The following CASD1 variants were observed in gnomAD, a reference collection of about 807,000 sequenced individuals.
CASD1 encodes CAS1 domain sialic acid O acetyltransferase 1, also known as N-acetylneuraminate (7)9-O-acetyltransferase.
In CASD1, 41 loss-of-function variants were observed where a neutral mutation model predicts 100.0. The ratio of observed to expected loss-of-function variants is 0.41; its 90% CI spans 0.32 to 0.53. CASD1 has a LOEUF of 0.53. CASD1 is among the 20% of genes least tolerant of loss of function. CASD1 has a pLI of 0.25. For synonymous variants in CASD1, 321 were observed against 315.6 expected, an observed-to-expected ratio of 1.02 and a Z score of -0.18; for missense variants, 774 against 948.7, an observed-to-expected ratio of 0.82 and a Z score of 2.42.
At chr7:94,599,125 C>T in the CASD1 span, 1 of 583,318 alleles carries the variant, frequency 1.7e-6, no homozygotes, top group African/African-American at 1.9e-5. Context: ...ATACATCTCA[C>T]ATACTTTTAA....
At position 94,509,975 on chromosome 7, in the gene CASD1, G is replaced by A; in HGVS notation, c.-110G>A. The A allele has an allele frequency of 8.1e-7, 1 of 1,233,794 alleles. No homozygotes were observed. The highest frequency in any genetic ancestry group is 1.0e-6 in the Non-Finnish European group (1 of 979,424). 76.4% of individuals were successfully genotyped at this position (1,233,794 alleles called of 1,614,324 possible). A position where few individuals can be genotyped will look rare whatever the true frequency, so the allele number is the denominator to read the frequency against. On this transcript the variant is annotated 5_prime_UTR_variant, in exon 1 of 18. Coordinates refer to ENST00000297273, the MANE Select transcript of CASD1 (RefSeq NM_022900.5). ...GCGGGAGGCGCAGGTGGCGGCCTGGGGAGCTGGCGGCCGCTCCTCGCCTGG... is the reference window on the plus strand; with the variant it reads ...GCGGGAGGCGCAGGTGGCGGCCTGGAGAGCTGGCGGCCGCTCCTCGCCTGG...
the CASD1 span, chr7:94,627,027 T>A: frequency 6.6e-6 from 1 of 152,006 alleles, no homozygotes; most frequent in Non-Finnish European, 1.5e-5. Flanking sequence ...ACTGAATATT[T>A]AAAAAAATTA....
At chr7:94,549,748 T>C in intron 14 of CASD1, 114 bp downstream of exon 14, 1 of 768,214 alleles carries the variant, frequency 1.3e-6, no homozygotes, top group Non-Finnish European at 2.1e-6. Flanking sequence ...GTTGATTTAG[T>C]AAATCAAAGC....
intron 16 of CASD1, among the ~76,000 whole-genome samples, chr7:94,552,679 G>C (rs1185347774): frequency 6.6e-6 from 1 of 152,216 alleles, no homozygotes; most frequent in African/African-American, 2.4e-5. Context: ...GCTCACGCCT[G>C]TAATCCCAGC....
At chr7:94,567,459 A>T in the CASD1 span, among the ~76,000 whole-genome samples, 8 of 152,168 alleles carry the variant, frequency 5.3e-5, no homozygotes, top group South Asian at 2.1e-4. Context: ...AATTGCCATG[A>T]GCCCCTTTTT....
the CASD1 span, chr7:94,629,891 C>T: frequency 9.9e-5 from 158 of 1,602,532 alleles, no homozygotes; most frequent in Middle Eastern, 1.7e-4. Flanking sequence ...TAATGAGATA[C>T]GCCCTTGATA....
rs531368839 is a variant in CASD1 at position 94,526,684 on chromosome 7, T to G, written c.352-478T>G. Among the ~76,000 whole-genome samples, 53 of 152,212 alleles carry G rather than the reference T, an allele frequency of 3.5e-4. No individual in the cohort carries two copies. The South Asian group carries it at 0.011, about 31-fold the overall frequency. ...GGCGTGCACCTGTGGTCCTAGCCACTTGGGAGGCTGAGGTGGGAGGATTGC... is the reference window on the plus strand; with the variant it reads ...GGCGTGCACCTGTGGTCCTAGCCACGTGGGAGGCTGAGGTGGGAGGATTGC... On this transcript the variant is annotated intron_variant, in intron 3 of 17. Coordinates refer to ENST00000297273, the MANE Select transcript of CASD1 (RefSeq NM_022900.5).
the CASD1 span, among the ~76,000 whole-genome samples, chr7:94,562,791 C>T: frequency 3.3e-5 from 5 of 152,260 alleles, no homozygotes; most frequent in African/African-American, 1.2e-4. Context: ...TAGCAATAAC[C>T]TCTTCTATGG....
chr7:94,559,601 C>A (rs544522851), downstream of CASD1, among the ~76,000 whole-genome samples: 1 of 152,214 alleles, frequency 6.6e-6, no homozygotes, highest in African/African-American at 2.4e-5. Flanking sequence ...TCTCGGCTCA[C>A]TGCATCCTCT....
chr7:94,603,480 T>C, the CASD1 span: 2 of 1,607,520 alleles, frequency 1.2e-6, no homozygotes, highest in Non-Finnish European at 1.7e-6. Flanking sequence ...TCTCAGGTTA[T>C]CCTTTAAGAA....
chr7:94,540,046 A>G lies in CASD1; in HGVS notation c.1356+990A>G, dbSNP rs532805924. On this transcript the variant is annotated intron_variant, in intron 10 of 17. Transcript: ENST00000297273. ...CTTCTCCATGGGTGTCTTAAAAGAC[A>G]GGATTATTATGATCTCTGGCCACTT... Among the ~76,000 whole-genome samples, 5 of 152,290 alleles carry G rather than the reference A, an allele frequency of 3.3e-5. No homozygotes were observed. The East Asian group carries it at 9.6e-4, about 29-fold the overall frequency.
At position 94,535,325 on chromosome 7, in the gene CASD1, T is replaced by G; in HGVS notation, c.645T>G (p.Asp215Glu). Residue 215 changes from aspartate to glutamate, a missense_variant, in exon 8 of 18, where the codon GAT becomes GAG. This residue lies in a region of CASD1 where 453 missense variants were observed against 532.6 expected (regional missense o/e 0.85). Transcript: ENST00000297273. ...CACGTGCAGATCCTGTTTATGAAGA[T>G]CTATTAAGTGAAAATAGGAAGATGA... ...YWVLQDPVYE[D>E]LLSENRKMIT... The G allele has an allele frequency of 1.2e-6, 2 of 1,612,054 alleles. No homozygotes were observed. Among genetic ancestry groups the G allele is most frequent in the East Asian group, 2.2e-5 (1 of 44,750 alleles).
At chr7:94,579,066 T>C in the CASD1 span, among the ~76,000 whole-genome samples, 1 of 152,222 alleles carries the variant, frequency 6.6e-6, no homozygotes, top group Non-Finnish European at 1.5e-5. Flanking sequence ...TACCAGATAG[T>C]GTACTAGACT....
chr7:94,526,397 A>G (rs576477914), intron 3 of CASD1, among the ~76,000 whole-genome samples: 3 of 152,218 alleles, frequency 2.0e-5, no homozygotes, highest in Admixed American at 6.5e-5. Context: ...CGTATGTCAC[A>G]TATATCCACG....
At chr7:94,633,540 T>C in the CASD1 span, among the ~76,000 whole-genome samples, 2 of 152,058 alleles carry the variant, frequency 1.3e-5, no homozygotes, top group African/African-American at 2.4e-5. Context: ...TCACAGGGTA[T>C]AGAATCTGCA....
the CASD1 span, among the ~76,000 whole-genome samples, chr7:94,586,061 G>GAAAAAAAAAA: frequency 0.018 from 525 of 28,888 alleles, 9 homozygotes; most frequent in Non-Finnish European, 0.02. Flanking sequence ...GGAACTAAAT[G>GAAAAAAAAAA]AAAAAAAAAA....
At chr7:94,536,207 C>A (rs983058655) in intron 8 of CASD1, among the ~76,000 whole-genome samples, 1 of 152,174 alleles carries the variant, frequency 6.6e-6, no homozygotes, top group Non-Finnish European at 1.5e-5. Context: ...CCCGCCACTG[C>A]ACTCCAGCCT....
At chr7:94,603,644 A>G in the CASD1 span, among the ~76,000 whole-genome samples, 1 of 151,950 alleles carries the variant, frequency 6.6e-6, no homozygotes, top group Non-Finnish European at 1.5e-5. Flanking sequence ...TATTCAACCA[A>G]TATTTACTGA....
the CASD1 span, among the ~76,000 whole-genome samples, chr7:94,586,078 A>AAAAAAAAAAAC: frequency 6.7e-6 from 1 of 150,210 alleles, no homozygotes; most frequent in Non-Finnish European, 1.5e-5. Context: ...AAAAAAAAAA[A>AAAAAAAAAAAC]AAAAAAAAAC....
Sources: gnomAD v4.1 joint callset for allele counts (sites outside exome capture counted in the v4.1 genomes callset) on GRCh38, gnomAD v4.1.1 for gene constraint, gnomAD v4.1.1 regional missense constraint, MANE v1.5 for transcripts, NCBI Gene and HGNC (gene_info 2026-07-23, HGNC 2026-07-21) for gene names.